RALGAPA2: variants seen among roughly 807,000 people sequenced by gnomAD.
RALGAPA2 encodes Ral GTPase activating protein catalytic subunit alpha 2.
Under a neutral mutation model 230.4 loss-of-function variants are expected in RALGAPA2, and 139 were observed. The ratio of observed to expected loss-of-function variants is 0.60; its 90% CI spans 0.53 to 0.69. The LOEUF (loss-of-function observed/expected upper bound fraction) is 0.69, where lower values mean the gene tolerates loss of function less well. Ranked by LOEUF, RALGAPA2 falls within the 30% of genes least tolerant of loss-of-function variation. The pLI is 0.00. For missense variants in RALGAPA2, 2,163 were observed against 2,276.0 expected (o/e 0.95, Z 1.01); for synonymous variants, 847 against 837.8 (o/e 1.01, Z -0.19).
chr20:20,703,121 C>A (rs184671061), intron 1 of RALGAPA2, among the ~76,000 whole-genome samples: 4 of 151,660 alleles, frequency 2.6e-5, no homozygotes, highest in Non-Finnish European at 5.9e-5. Context: ...TGCAGTGAGG[C>A]GAAATTGCAC....
intron 37 of RALGAPA2, among the ~76,000 whole-genome samples, chr20:20,444,917 A>G (rs972619660): frequency 6.6e-6 from 1 of 152,234 alleles, no homozygotes; most frequent in Non-Finnish European, 1.5e-5. Context: ...TCCACGCCGC[A>G]TGCGCTGCCT....
chr20:20,438,783 A>G (rs1287291216), intron 37 of RALGAPA2, among the ~76,000 whole-genome samples: 6 of 152,222 alleles, frequency 3.9e-5, no homozygotes, highest in Non-Finnish European at 7.3e-5. Context: ...TTATTTATAT[A>G]TATGTATTTC....
chr20:20,591,195 A>G lies in RALGAPA2; in HGVS notation c.2323T>C (p.Cys775Arg), dbSNP rs776187661. 1 of 1,613,844 alleles carries G rather than the reference A, an allele frequency of 6.2e-7. No homozygotes were observed. Among genetic ancestry groups the G allele is most frequent in the Non-Finnish European group, 8.5e-7 (1 of 1,179,770 alleles). Residue 775 changes from cysteine (C) to arginine (R), a missense_variant, in exon 17 of 40, where the codon TGC (cysteine) becomes CGC (arginine). Transcript: ENST00000202677. ...SSTSDIPEPL[C>R]SDSSQGQKAE... Reference sequence around the variant, plus strand: ...CATGTACCCTGAGAAGAATCTGAGCACAGCGGCTCGGGGATGTCGGAGGTG... The same window carrying G: ...CATGTACCCTGAGAAGAATCTGAGCGCAGCGGCTCGGGGATGTCGGAGGTG...
intron 24 of RALGAPA2, among the ~76,000 whole-genome samples, chr20:20,545,279 C>T (rs913390369): frequency 2.0e-5 from 3 of 151,810 alleles, no homozygotes; most frequent in Non-Finnish European, 4.4e-5. Context: ...CCAGGCTGAA[C>T]TCAAACTCCT....
In RALGAPA2 at chr20:20,704,260, C is replaced by T. The variant is rs148657234; in HGVS notation, c.106+8115G>A. Among the ~76,000 whole-genome samples, 754 of 152,282 alleles carry T rather than the reference C, an allele frequency of 5.0e-3. 5 individuals carry two copies. Among genetic ancestry groups the T allele is most frequent in the African/African-American group, 0.017 (719 of 41,560 alleles). On this transcript the variant is annotated intron_variant, in intron 1 of 39. Transcript: ENST00000202677. Reference sequence around the variant, plus strand: ...ATCTCCCACCCCAGGCTCTCAGTCTCACTGCAGATCACACCGTTCTGCATT... The same window carrying T: ...ATCTCCCACCCCAGGCTCTCAGTCTTACTGCAGATCACACCGTTCTGCATT...
intron 10 of RALGAPA2, among the ~76,000 whole-genome samples, chr20:20,626,400 A>AAATG (rs2066491424): frequency 6.6e-6 from 1 of 152,246 alleles, no homozygotes; most frequent in Non-Finnish European, 1.5e-5. Flanking sequence ...AAAAATTATA[A>AAATG]AATGTAAATG....
At chr20:20,465,256 G>C (rs2061395503) in intron 37 of RALGAPA2, among the ~76,000 whole-genome samples, 1 of 150,976 alleles carries the variant, frequency 6.6e-6, no homozygotes, top group African/African-American at 2.4e-5. Context: ...GGGAAAGCCA[G>C]CACTGTGGCA....
intron 36 of RALGAPA2, among the ~76,000 whole-genome samples, chr20:20,477,671 C>T (rs1289775722): frequency 1.3e-5 from 2 of 152,096 alleles, no homozygotes; most frequent in African/African-American, 4.8e-5. Flanking sequence ...CAGCAACCTC[C>T]GCCTCCCCGG....
chr20:20,559,633 A>G (rs1369153653), intron 23 of RALGAPA2, among the ~76,000 whole-genome samples: 1 of 152,162 alleles, frequency 6.6e-6, no homozygotes, highest in Non-Finnish European at 1.5e-5. Context: ...TTTAATGTAC[A>G]TATAACAAAA....
intron 38 of RALGAPA2, among the ~76,000 whole-genome samples, chr20:20,404,668 T>C (rs1212934840): frequency 6.6e-6 from 1 of 152,186 alleles, no homozygotes; most frequent in Non-Finnish European, 1.5e-5. Context: ...CCAAAAATTG[T>C]CTCTGAGAAA....
rs953073200 is a variant in RALGAPA2 at position 20,428,431 on chromosome 20, C to T, written c.5496-16283G>A. Among the ~76,000 whole-genome samples, 176 of 152,140 alleles carry T rather than the reference C, an allele frequency of 1.2e-3. 2 individuals are homozygous for T. Among genetic ancestry groups the T allele is most frequent in the Admixed American group, 4.0e-3 (61 of 15,278 alleles). On this transcript the variant is annotated intron_variant, in intron 37 of 39. Transcript: ENST00000202677. ...AAAAATAGCCAAATTGAATTCGGTA[C>T]GTCTTTTCTTGATAGATCAAAAGCA...
At chr20:20,429,430 T>G (rs2060456410) in intron 37 of RALGAPA2, among the ~76,000 whole-genome samples, 1 of 152,352 alleles carries the variant, frequency 6.6e-6, no homozygotes, top group South Asian at 2.1e-4. Flanking sequence ...CTGGCCATTT[T>G]TATAGCTAAT....
intron 37 of RALGAPA2, among the ~76,000 whole-genome samples, chr20:20,458,776 A>ATATATATAGACC (rs2061210990): frequency 1.2e-3 from 10 of 8,028 alleles, no homozygotes; most frequent in South Asian, 9.7e-3. Context: ...ATATAGACCT[A>ATATATATAGACC]TATATATATA....
At chr20:20,618,070 A>G (rs530757925) in intron 12 of RALGAPA2, among the ~76,000 whole-genome samples, 94 of 152,356 alleles carry the variant, frequency 6.2e-4, no homozygotes, top group African/African-American at 2.2e-3. Context: ...GTTGAATCAA[A>G]CCATGTTACT....
At chr20:20,504,969 T>C (rs2062488793) in intron 34 of RALGAPA2, 3 of 979,918 alleles carry the variant, frequency 3.1e-6, no homozygotes, top group South Asian at 4.7e-5. Flanking sequence ...AATAGGTTGA[T>C]AGCTAAACCA....
At chr20:20,557,794 A>G (rs6082045) in intron 23 of RALGAPA2, among the ~76,000 whole-genome samples, 5,486 of 152,260 alleles carry the variant, frequency 0.036, 120 homozygotes, top group South Asian at 0.061. Context: ...AAGAGATCCG[A>G]GAGATCATCA....
At chr20:20,553,716 T>C (rs778163502) in intron 23 of RALGAPA2, among the ~76,000 whole-genome samples, 4 of 152,152 alleles carry the variant, frequency 2.6e-5, no homozygotes, top group Non-Finnish European at 4.4e-5. Context: ...TTGCACAGCA[T>C]CAAGATTTCA....
At chr20:20,418,464 G>GCTGGCACGGAA (rs1421118006) in intron 37 of RALGAPA2, among the ~76,000 whole-genome samples, 2 of 152,158 alleles carry the variant, frequency 1.3e-5, no homozygotes, top group Non-Finnish European at 2.9e-5. Context: ...GTGCGTGCTT[G>GCTGGCACGGAA]CAGGCTGGCA....
At chr20:20,685,069 T>A (rs2068651574) in intron 1 of RALGAPA2, among the ~76,000 whole-genome samples, 1 of 151,996 alleles carries the variant, frequency 6.6e-6, no homozygotes, top group African/African-American at 2.4e-5. Flanking sequence ...AAAGCCTAAT[T>A]TTTAACAAGG....
Sources: allele counts gnomAD v4.1 joint callset (sites outside exome capture counted in the v4.1 genomes callset), GRCh38; gene constraint gnomAD v4.1.1; transcripts MANE v1.5; gene names NCBI Gene and HGNC (gene_info 2026-07-23, HGNC 2026-07-21).